Variants in GPC5 observed in about 807,000 individuals in gnomAD.
GPC5 encodes glypican 5.
In GPC5, 47 loss-of-function variants were observed where a neutral mutation model predicts 53.9. The ratio of observed to expected loss-of-function variants is 0.87; its 90% CI spans 0.69 to 1.11. GPC5 has a LOEUF of 1.11. GPC5 is among the 50% of genes most tolerant of loss of function. GPC5 has a pLI of 0.00. For synonymous variants in GPC5, 286 were observed against 263.3 expected (o/e 1.09, Z -0.84); for missense variants, 748 against 713.1 (o/e 1.05, Z -0.56).
chr13:91,537,055 C>T (rs1046073537), intron 2 of GPC5, among the ~76,000 whole-genome samples: 6 of 152,080 alleles, frequency 3.9e-5, no homozygotes, highest in Non-Finnish European at 8.8e-5. Context: ...AAACAGTACT[C>T]AGTGGCTAAT....
At chr13:92,154,611 T>A (rs1026324498) in intron 7 of GPC5, among the ~76,000 whole-genome samples, 2 of 152,210 alleles carry the variant, frequency 1.3e-5, no homozygotes, top group African/African-American at 2.4e-5. Flanking sequence ...AAGTTCTTAC[T>A]GTCTCACATT....
chr13:92,493,829 T>C (rs998647650), intron 7 of GPC5, among the ~76,000 whole-genome samples: 6 of 152,156 alleles, frequency 3.9e-5, no homozygotes, highest in African/African-American at 1.2e-4. Context: ...TCACCTGCAA[T>C]GTAGGAATAA....
intron 7 of GPC5, among the ~76,000 whole-genome samples, chr13:92,213,418 TTA>T (rs925360285): frequency 4.6e-5 from 7 of 152,158 alleles, no homozygotes; most frequent in African/African-American, 1.4e-4. Flanking sequence ...CAGAAAATTT[TTA>T]TGTTTTCTGT....
At chr13:92,708,035 C>G (rs1888008991) in intron 7 of GPC5, among the ~76,000 whole-genome samples, 1 of 152,024 alleles carries the variant, frequency 6.6e-6, no homozygotes, top group Non-Finnish European at 1.5e-5. Context: ...TAGAGCATTT[C>G]CAAAGATGGA....
At chr13:92,746,015 T>G (rs541226508) in intron 7 of GPC5, among the ~76,000 whole-genome samples, 1 of 152,212 alleles carries the variant, frequency 6.6e-6, no homozygotes, top group South Asian at 2.1e-4. Flanking sequence ...AGAAAACACA[T>G]TTAATCAATT....
intron 2 of GPC5, among the ~76,000 whole-genome samples, chr13:91,450,017 A>G (rs1313735374): frequency 6.6e-6 from 1 of 152,078 alleles, no homozygotes; most frequent in Non-Finnish European, 1.5e-5. Flanking sequence ...GTGTACATAT[A>G]TAAGTAAATC....
intron 2 of GPC5, among the ~76,000 whole-genome samples, chr13:91,507,703 A>G (rs1885016477): frequency 2.0e-5 from 3 of 152,158 alleles, no homozygotes; most frequent in East Asian, 3.9e-4. Context: ...TCACCTCCCA[A>G]AGACTGTACT....
intron 7 of GPC5, among the ~76,000 whole-genome samples, chr13:92,506,088 C>A (rs565006241): frequency 2.0e-5 from 3 of 151,972 alleles, no homozygotes; most frequent in African/African-American, 7.3e-5. Context: ...AACTGTATGC[C>A]ACATTAAAGG....
chr13:92,186,744 G>A (rs190119677), intron 7 of GPC5, among the ~76,000 whole-genome samples: 42 of 152,268 alleles, frequency 2.8e-4, no homozygotes, highest in African/African-American at 1.0e-3. Flanking sequence ...GTGTAATACA[G>A]TGTCTCATTG....
At chr13:92,413,928 CTA>C (rs1421628347) in intron 7 of GPC5, among the ~76,000 whole-genome samples, 1 of 152,120 alleles carries the variant, frequency 6.6e-6, no homozygotes, top group African/African-American at 2.4e-5. Context: ...ATGACATAAT[CTA>C]TCAAAATTTT....
At chr13:92,671,437 A>G (rs1051247062) in intron 7 of GPC5, among the ~76,000 whole-genome samples, 1 of 152,220 alleles carries the variant, frequency 6.6e-6, no homozygotes, top group Non-Finnish European at 1.5e-5. Context: ...AAATGTGTGA[A>G]TATTAATCAT....
chr13:92,217,554 G>A (rs982562592), intron 7 of GPC5, among the ~76,000 whole-genome samples: 3 of 152,142 alleles, frequency 2.0e-5, no homozygotes, highest in Non-Finnish European at 4.4e-5. Flanking sequence ...TCTCCAATCT[G>A]TGGCTACAAA....
At chr13:92,055,739 A>T (rs2041069295) in intron 6 of GPC5, among the ~76,000 whole-genome samples, 1 of 152,212 alleles carries the variant, frequency 6.6e-6, no homozygotes, top group Admixed American at 6.5e-5. Flanking sequence ...AAGTAAGCAT[A>T]TTTAATTTAT....
intron 1 of GPC5, among the ~76,000 whole-genome samples, chr13:91,427,067 T>A (rs528172751): frequency 6.6e-6 from 1 of 152,286 alleles, no homozygotes; most frequent in East Asian, 1.9e-4. Flanking sequence ...AATGCCTGGA[T>A]GTCCAGGCAG....
At chr13:92,090,818 T>G (rs1401988833) in intron 6 of GPC5, among the ~76,000 whole-genome samples, 2 of 152,234 alleles carry the variant, frequency 1.3e-5, no homozygotes, top group East Asian at 3.8e-4. Context: ...AAGTGTGATA[T>G]GTTTGAATCA....
At chr13:92,826,008 G>C (rs1461675326) in intron 7 of GPC5, among the ~76,000 whole-genome samples, 1 of 151,936 alleles carries the variant, frequency 6.6e-6, no homozygotes, top group East Asian at 1.9e-4. Context: ...ATCTTGCCAT[G>C]ACAGACAATG....
At chr13:91,805,565 C>T (rs1247810795) in intron 5 of GPC5, among the ~76,000 whole-genome samples, 1 of 152,130 alleles carries the variant, frequency 6.6e-6, no homozygotes, top group Non-Finnish European at 1.5e-5. Flanking sequence ...ACCCAGGAGT[C>T]TCTTATTGCC....
intron 2 of GPC5, among the ~76,000 whole-genome samples, chr13:91,686,543 C>T (rs940523078): frequency 7.2e-5 from 11 of 151,842 alleles, no homozygotes; most frequent in African/African-American, 1.4e-4. Context: ...TCAGTATAAA[C>T]GCTTCCAGTC....
At chr13:91,544,382 A>G (rs1227388503) in intron 2 of GPC5, among the ~76,000 whole-genome samples, 2 of 152,128 alleles carry the variant, frequency 1.3e-5, no homozygotes, top group Non-Finnish European at 2.9e-5. Context: ...GTTATATTGT[A>G]TAGTGGTTAG....
Sources: allele counts gnomAD v4.1 joint callset (sites outside exome capture counted in the v4.1 genomes callset), GRCh38; gene constraint gnomAD v4.1.1; transcripts MANE v1.5; gene names NCBI Gene and HGNC (gene_info 2026-07-23, HGNC 2026-07-21).